Variants in SV2C observed in about 807,000 individuals in gnomAD.
SV2C encodes synaptic vesicle glycoprotein 2C, also known as solute carrier family 22 member B3.
In SV2C, 49 loss-of-function variants were observed where a neutral mutation model predicts 79.7. The ratio of observed to expected loss-of-function variants is 0.61; its 90% CI spans 0.49 to 0.78. The LOEUF is 0.78. SV2C is among the 30% of genes least tolerant of loss of function. The pLI, the probability that SV2C is intolerant of heterozygous loss-of-function variation, is 0.00. For missense variants in SV2C, 833 were observed against 912.9 expected (o/e 0.91, Z 1.13); for synonymous variants, 334 against 333.2 (o/e 1.00, Z -0.03).
intron 3 of SV2C, among the ~76,000 whole-genome samples, chr5:76,200,604 A>G (rs1561261673): frequency 6.6e-6 from 1 of 152,184 alleles, no homozygotes; most frequent in Non-Finnish European, 1.5e-5. Context: ...CTGCAAATAA[A>G]GGGGACTGGA....
the SV2C span, among the ~76,000 whole-genome samples, chr5:75,872,903 G>A: frequency 6.6e-6 from 1 of 151,294 alleles, no homozygotes; most frequent in Admixed American, 6.6e-5. Context: ...AAAACTTAAA[G>A]TATAATAATA....
chr5:76,054,710 A>T, the SV2C span, among the ~76,000 whole-genome samples: 549 of 152,078 alleles, frequency 3.6e-3, 1 homozygote, highest in Non-Finnish European at 5.2e-3. Context: ...GTTTTATCTC[A>T]TTGTGGTTCT....
In SV2C at chr5:76,232,640, T is replaced by G. The variant is rs1381803363; in HGVS notation, c.913+22753T>G. On this transcript the variant is annotated intron_variant, in intron 4 of 12. Transcript: ENST00000502798. Reference sequence around the variant, plus strand: ...ATAAGGTGTAAGGAAGGGATCCAGTTTCAGCTTTCTACATATGGCTAGCCA... The same window carrying G: ...ATAAGGTGTAAGGAAGGGATCCAGTGTCAGCTTTCTACATATGGCTAGCCA... Among the ~76,000 whole-genome samples the G allele has an allele frequency of 2.7e-5, 4 of 148,968 alleles. No individual in the cohort carries two copies. In the East Asian group the frequency reaches 7.7e-4, roughly 29 times the overall value.
chr5:76,186,690 T>TCAAACAAA (rs58706451), intron 2 of SV2C, among the ~76,000 whole-genome samples: 105,461 of 151,798 alleles, frequency 0.69, 37,925 homozygotes, highest in East Asian at 0.91. Context: ...AGACCTTATC[T>TCAAACAAA]CAAACAAACA....
the SV2C span, among the ~76,000 whole-genome samples, chr5:76,025,202 T>G: frequency 6.6e-6 from 1 of 151,728 alleles, no homozygotes; most frequent in African/African-American, 2.4e-5. Flanking sequence ...TGCTGCCCTT[T>G]TATAATAACC....
At chr5:75,908,197 C>T in the SV2C span, among the ~76,000 whole-genome samples, 2 of 152,222 alleles carry the variant, frequency 1.3e-5, no homozygotes, top group Non-Finnish European at 2.9e-5. Flanking sequence ...TTTCCCCCAA[C>T]TCCCCAGCAT....
At chr5:76,253,892 C>T (rs775799103) in intron 4 of SV2C, among the ~76,000 whole-genome samples, 5 of 151,946 alleles carry the variant, frequency 3.3e-5, no homozygotes, top group African/African-American at 4.8e-5. Context: ...AATTTTCTCC[C>T]TATCATAAGT....
At chr5:76,030,397 G>A in the SV2C span, among the ~76,000 whole-genome samples, 131 of 150,318 alleles carry the variant, frequency 8.7e-4, 1 homozygote, top group African/African-American at 3.0e-3. Flanking sequence ...AAGAAAGGGC[G>A]TATTGAGCAC....
chr5:76,042,632 A>T, the SV2C span, among the ~76,000 whole-genome samples: 1 of 152,098 alleles, frequency 6.6e-6, no homozygotes, highest in African/African-American at 2.4e-5. Context: ...AGTAATTTTC[A>T]TACATCCCTG....
chr5:76,220,219 A>G (rs1745025874), intron 4 of SV2C, among the ~76,000 whole-genome samples: 1 of 152,252 alleles, frequency 6.6e-6, no homozygotes, highest in Non-Finnish European at 1.5e-5. Flanking sequence ...ATATTAGCAT[A>G]CTAAGTAACA....
At chr5:76,335,891 C>G (rs1749310306), downstream of SV2C, among the ~76,000 whole-genome samples, 1 of 152,220 alleles carries the variant, frequency 6.6e-6, no homozygotes, top group South Asian at 2.1e-4. Context: ...TTCTATTCCA[C>G]AAAACTGCCA....
the SV2C span, among the ~76,000 whole-genome samples, chr5:75,946,170 A>G: frequency 1.3e-5 from 2 of 152,120 alleles, no homozygotes; most frequent in African/African-American, 4.8e-5. Flanking sequence ...CAAGAAAAAA[A>G]TAGAAGACAC....
At chr5:76,188,756 G>C (rs1744000554) in intron 2 of SV2C, among the ~76,000 whole-genome samples, 1 of 149,548 alleles carries the variant, frequency 6.7e-6, no homozygotes, top group Admixed American at 6.7e-5. Context: ...GCAAATTGTG[G>C]ATAACAAGGA....
chr5:76,003,954 G>T, the SV2C span, among the ~76,000 whole-genome samples: 1 of 151,964 alleles, frequency 6.6e-6, no homozygotes, highest in Non-Finnish European at 1.5e-5. Context: ...GGAGAAGGGA[G>T]GATTTGGAGC....
intron 12 of SV2C, among the ~76,000 whole-genome samples, chr5:76,313,649 T>C (rs1181809228): frequency 6.6e-6 from 1 of 152,120 alleles, no homozygotes; most frequent in East Asian, 1.9e-4. Flanking sequence ...CCACCAGACT[T>C]GTGGGCCAGC....
chr5:76,032,517 G>A, the SV2C span, among the ~76,000 whole-genome samples: 37 of 152,072 alleles, frequency 2.4e-4, no homozygotes, highest in African/African-American at 6.3e-4. Context: ...TTGTTCTTGC[G>A]ATAGTTTACT....
the SV2C span, among the ~76,000 whole-genome samples, chr5:75,977,843 T>C: frequency 6.6e-6 from 1 of 152,162 alleles, no homozygotes; most frequent in Non-Finnish European, 1.5e-5. Context: ...CTTGCACTTA[T>C]CCTCTCCTCT....
At chr5:75,875,411 A>G in the SV2C span, among the ~76,000 whole-genome samples, 1 of 152,290 alleles carries the variant, frequency 6.6e-6, no homozygotes. Flanking sequence ...CCTTTCTTAC[A>G]CTATACACAA....
At chr5:76,016,987 C>G in the SV2C span, among the ~76,000 whole-genome samples, 4 of 152,234 alleles carry the variant, frequency 2.6e-5, no homozygotes, top group Non-Finnish European at 4.4e-5. Context: ...TTTACCAACA[C>G]TTCCACAGTA....
Sources: gnomAD v4.1 joint callset for allele counts (sites outside exome capture counted in the v4.1 genomes callset) on GRCh38, gnomAD v4.1.1 for gene constraint, MANE v1.5 for transcripts, NCBI Gene and HGNC (gene_info 2026-07-23, HGNC 2026-07-21) for gene names.